CCNI: variants seen among roughly 807,000 people sequenced by gnomAD.
CCNI encodes the protein cyclin-I.
CCNI carries 14 observed loss-of-function variants against 34.1 expected under a neutral mutation model. The ratio of observed to expected loss-of-function variants is 0.41; its 90% confidence interval spans 0.27 to 0.64. The LOEUF (loss-of-function observed/expected upper bound fraction) is 0.64. CCNI is among the 30% of genes least tolerant of loss of function. The pLI is 0.31. For synonymous variants in CCNI, 154 were observed against 158.4 expected, an observed-to-expected ratio of 0.97 and a Z score of 0.21; for missense variants, 385 against 440.5, an observed-to-expected ratio of 0.87 and a Z score of 1.13.
chr4:77,068,095 T>C (rs1560783372), intron 1 of CCNI, among the ~76,000 whole-genome samples: 1 of 152,026 alleles, frequency 6.6e-6, no homozygotes, highest in Non-Finnish European at 1.5e-5. Context: ...GGAAAATCGC[T>C]TTAACCCAGG....
chr4:77,060,379 A>C (rs960955421), intron 2 of CCNI, among the ~76,000 whole-genome samples: 1 of 152,246 alleles, frequency 6.6e-6, no homozygotes, highest in African/African-American at 2.4e-5. Flanking sequence ...CAAATTTACA[A>C]AACATTATCT....
chr4:77,053,062 C>A (rs994682526), intron 6 of CCNI, among the ~76,000 whole-genome samples: 2 of 152,186 alleles, frequency 1.3e-5, no homozygotes, highest in Non-Finnish European at 2.9e-5. Context: ...ATAATCTAAA[C>A]CTACACTACA....
intron 2 of CCNI, among the ~76,000 whole-genome samples, chr4:77,065,559 G>A (rs967409749): frequency 6.6e-5 from 10 of 152,122 alleles, no homozygotes; most frequent in African/African-American, 2.4e-4. Flanking sequence ...ACTCCTTACC[G>A]CTAATGATGA....
At chr4:77,063,679 G>C (rs1203871718) in intron 2 of CCNI, among the ~76,000 whole-genome samples, 3 of 147,220 alleles carry the variant, frequency 2.0e-5, no homozygotes, top group African/African-American at 7.6e-5. Context: ...AGCAGAGCAA[G>C]ACTCTGTCTC....
intron 3 of CCNI, 184 bp from the exon 4 acceptor site, chr4:77,056,507 G>T: frequency 1.9e-6 from 1 of 518,932 alleles, no homozygotes; most frequent in Non-Finnish European, 3.5e-6. Context: ...GAACAGGAAA[G>T]AAAGTTTATT....
intron 6 of CCNI, among the ~76,000 whole-genome samples, chr4:77,054,435 TGCA>T (rs889535364): frequency 1.3e-4 from 20 of 152,186 alleles, no homozygotes; most frequent in African/African-American, 3.9e-4. Flanking sequence ...GAAAATGGTC[TGCA>T]GCAGATCTAA....
intron 1 of CCNI, among the ~76,000 whole-genome samples, chr4:77,072,452 CAAA>C (rs11327592): frequency 1.8e-4 from 11 of 62,214 alleles, no homozygotes; most frequent in Admixed American, 7.1e-4. Context: ...CTGTCTCCAC[CAAA>C]AAAAAAAAAA....
At chr4:77,053,493 T>G (rs1311569841) in intron 6 of CCNI, among the ~76,000 whole-genome samples, 3 of 152,140 alleles carry the variant, frequency 2.0e-5, no homozygotes, top group African/African-American at 7.2e-5. Flanking sequence ...ACCAGAAAAC[T>G]TACAAAAGAG....
intron 2 of CCNI, among the ~76,000 whole-genome samples, chr4:77,063,818 A>G (rs1406677351): frequency 6.6e-6 from 1 of 152,164 alleles, no homozygotes; most frequent in Non-Finnish European, 1.5e-5. Flanking sequence ...CCCAAATTTT[A>G]CAAGTATTAA....
chr4:77,075,571 A>G lies in CCNI; in HGVS notation c.-143T>C. On this transcript the variant is annotated 5_prime_UTR_variant, in exon 1 of 7. It removes an upstream start codon present in the reference 5' UTR. Transcript: ENST00000237654. ...GGGGGCCCGTTACCACCTCATTCTC[A>G]TAGGCGCGCGGAGGCGGTGCGCGCG... 1.6e-5 allele frequency: 16 copies of G among 988,096 alleles called. No individual in the cohort carries two copies. The highest frequency in any genetic ancestry group is 1.8e-5 in the Non-Finnish European group (15 of 830,460). The allele number at this position is 988,096 out of a possible 1,614,324, so 61.2% of individuals were successfully genotyped here.
At chr4:77,067,406 C>T (rs1007031009) in intron 1 of CCNI, among the ~76,000 whole-genome samples, 1 of 152,174 alleles carries the variant, frequency 6.6e-6, no homozygotes, top group African/African-American at 2.4e-5. Flanking sequence ...AGTACATTGA[C>T]TAGCACTCTA....
chr4:77,055,627 C>T (rs1232137410), intron 5 of CCNI, among the ~76,000 whole-genome samples: 2 of 151,948 alleles, frequency 1.3e-5, no homozygotes, highest in African/African-American at 2.4e-5. Context: ...CCACCATGCC[C>T]GGCTAATTTT....
intron 2 of CCNI, chr4:77,064,691 T>C (rs995815958): frequency 8.6e-5 from 13 of 151,690 alleles, no homozygotes; most frequent in African/African-American, 3.2e-4. Context: ...TTTTTTTTTT[T>C]TTGAGACGGA....
intron 1 of CCNI, among the ~76,000 whole-genome samples, chr4:77,072,658 A>G (rs1044657471): frequency 1.0e-4 from 14 of 136,692 alleles, no homozygotes; most frequent in African/African-American, 3.1e-4. Flanking sequence ...AAAAAAAAAA[A>G]AAAGAAAAGA....
intron 5 of CCNI, 131 bp downstream of exon 5, chr4:77,055,831 A>C (rs1212938544): frequency 2.7e-6 from 2 of 730,558 alleles, no homozygotes; most frequent in Non-Finnish European, 4.5e-6. Flanking sequence ...ACTAATTTAT[A>C]ATTTTTCCTT....
rs1248319573 is a variant in CCNI, at chr4:77,066,331, C to A, written c.32G>T (p.Arg11Ile). 2 of 1,613,950 alleles carry A rather than the reference C, an allele frequency of 1.2e-6. No homozygotes were observed. Among genetic ancestry groups the A allele is most frequent in the South Asian group, 1.1e-5 (1 of 91,080 alleles). MKFPGPLENQ[R>I]LSFLLEKAIT... Reference sequence around the variant, plus strand: ...TGCCTTTTCCAACAGGAAAGACAATCTCTGGTTTTCCAAAGGCCCTGGAAA... The same window carrying A: ...TGCCTTTTCCAACAGGAAAGACAATATCTGGTTTTCCAAAGGCCCTGGAAA... The change falls in exon 2 of 7, where the codon AGA becomes ATA. Residue 11 changes from arginine (R) to isoleucine (I), a missense_variant. Physicochemically the swap from Arg to Ile is moderately conservative, Grantham distance 97 (BLOSUM62 -3). Coordinates refer to ENST00000237654, the MANE Select transcript of CCNI (RefSeq NM_006835.3).
chr4:77,074,367 T>C (rs1262926423), intron 1 of CCNI, among the ~76,000 whole-genome samples: 1 of 152,204 alleles, frequency 6.6e-6, no homozygotes, highest in African/African-American at 2.4e-5. Context: ...ATTCCGTCCA[T>C]TATTTCTTAA....
In CCNI at chr4:77,074,363, T is replaced by C. The variant is rs4252776; in HGVS notation, c.-44+1109A>G. 2.0e-3 allele frequency among the ~76,000 whole-genome samples: 301 copies of C among 152,308 alleles called. 2 individuals are homozygous for C. Among genetic ancestry groups the C allele is most frequent in the African/African-American group, 7.0e-3 (292 of 41,568 alleles). On this transcript the variant is annotated intron_variant, in intron 1 of 6. Coordinates refer to ENST00000237654, the MANE Select transcript of CCNI (RefSeq NM_006835.3). Reference sequence around the variant, plus strand: ...GATTAGCCAATCTACATCTATTCCGTCCATTATTTCTTAATCTATTTGTCC... The same window carrying C: ...GATTAGCCAATCTACATCTATTCCGCCCATTATTTCTTAATCTATTTGTCC...
Position 77,075,883 on chromosome 4 carries a change from A to G in CCNI, c.-455T>C, listed in dbSNP as rs1578265347. On this transcript the variant is annotated 5_prime_UTR_variant, in exon 1 of 7. Coordinates refer to ENST00000237654, the MANE Select transcript of CCNI (RefSeq NM_006835.3). ...GGAAATGGTGAAAGGGGGGGAGGGG[A>G]GAAAAGAAAAGAAAAAAAAAAAAAG... is the stretch of plus-strand genomic sequence containing the variant. 1 of 138,978 alleles carries G rather than the reference A, an allele frequency of 7.2e-6. No individual in the cohort carries two copies. The highest frequency in any genetic ancestry group is 1.5e-5 in the Non-Finnish European group (1 of 64,952). 8.6% of individuals were successfully genotyped at this position (138,978 alleles called of 1,614,324 possible).
Sources: allele counts gnomAD v4.1 joint callset (sites outside exome capture counted in the v4.1 genomes callset), GRCh38; gene constraint gnomAD v4.1.1; transcripts MANE v1.5; gene names NCBI Gene and HGNC (gene_info 2026-07-23, HGNC 2026-07-21).